The following ABCA4 variants were observed in gnomAD, a reference collection of about 807,000 sequenced individuals.
ABCA4 encodes the protein retinal-specific phospholipid-transporting ATPase ABCA4.
ABCA4 carries 196 observed loss-of-function variants against 263.7 expected under a neutral mutation model. The ratio of observed to expected loss-of-function variants is 0.74; its 90% confidence interval spans 0.66 to 0.84. The LOEUF is 0.84. ABCA4 is among the 40% of genes least tolerant of loss of function. The probability of loss-of-function intolerance (pLI) is 0.00; values close to 1 mark genes in which losing one functional copy is unlikely to be tolerated. For missense variants in ABCA4, 2,792 were observed against 2,855.1 expected, an observed-to-expected ratio of 0.98 and a Z score of 0.50; for synonymous variants, 1,133 against 1,094.2, an observed-to-expected ratio of 1.04 and a Z score of -0.70.
rs1232880489 is a variant in ABCA4, at chr1:94,015,817, A to T, written c.5234T>A (p.Ile1745Asn). ...YSVSAGLVVG[I>N]FIGFQKKAYT... The stretch of plus-strand genomic sequence containing the variant: ...GGCTTTCTTCTGAAACCCGATGAAG[A>T]TGCCCACCACCAGCCCAGCACTCAC... The change falls in exon 37 of 50, where the codon ATC becomes AAC. Residue 1745 changes from isoleucine to asparagine, a missense_variant. Transcript: ENST00000370225. The T allele has an allele frequency of 2.5e-6, 4 of 1,614,080 alleles. No homozygotes were observed. Among genetic ancestry groups the T allele is most frequent in the Non-Finnish European group, 3.4e-6 (4 of 1,180,012 alleles).
intron 18 of ABCA4, among the ~76,000 whole-genome samples, chr1:94,047,394 A>G (rs1294264515): frequency 6.6e-6 from 1 of 152,214 alleles, no homozygotes; most frequent in Non-Finnish European, 1.5e-5. Flanking sequence ...AGGAAACCTT[A>G]GACACAGAGA....
chr1:94,058,586 T>G (rs373806825), intron 14 of ABCA4, among the ~76,000 whole-genome samples: 6 of 152,238 alleles, frequency 3.9e-5, no homozygotes, highest in African/African-American at 1.4e-4. Flanking sequence ...GCTCTGGAAC[T>G]CCTGACCTGA....
chr1:94,043,846 G>C (rs1433925156), intron 20 of ABCA4, among the ~76,000 whole-genome samples: 3 of 151,996 alleles, frequency 2.0e-5, no homozygotes, highest in Non-Finnish European at 2.9e-5. Flanking sequence ...TGAAGTATAT[G>C]TGTTTATCTA....
intron 26 of ABCA4, among the ~76,000 whole-genome samples, chr1:94,034,597 C>T (rs1660294571): frequency 6.6e-6 from 1 of 151,424 alleles, no homozygotes; most frequent in Non-Finnish European, 1.5e-5. Context: ...TAACTCAAAA[C>T]AAATGTACTT....
intron 28 of ABCA4, 38 bp from the exon 29 acceptor site, chr1:94,030,564 C>A: frequency 1.3e-6 from 2 of 1,581,072 alleles, no homozygotes; most frequent in South Asian, 1.1e-5. Context: ...ACAGAGCAGG[C>A]GCGTGCCAAC....
rs769988087 is a variant in ABCA4, at chr1:94,063,144, G to A, written c.1728C>T (p.Asp576=). ...HVKYKIRMDI[D]VVEKTNKIKD... The stretch of plus-strand genomic sequence containing the variant: ...TAATCTTATTGGTTTTCTCCACCAC[G>A]TCTATGTCCATTCGGATCTTATACT... The change falls in exon 12 of 50, where the codon GAC becomes GAT. Residue 576 remains aspartate, a synonymous_variant. Transcript: ENST00000370225. 6 of 1,613,942 alleles carry A rather than the reference G, an allele frequency of 3.7e-6. No individual in the cohort carries two copies. The highest frequency in any genetic ancestry group is 4.5e-5 in the East Asian group (2 of 44,900).
intron 1 of ABCA4, among the ~76,000 whole-genome samples, chr1:94,118,167 G>C (rs1481102996): frequency 6.6e-6 from 1 of 152,110 alleles, no homozygotes; most frequent in Non-Finnish European, 1.5e-5. Flanking sequence ...TCAGTACCGG[G>C]GGGATCACAG....
At chr1:94,013,986 C>T (rs1659648216) in intron 38 of ABCA4, among the ~76,000 whole-genome samples, 1 of 152,030 alleles carries the variant, frequency 6.6e-6, no homozygotes, top group African/African-American at 2.4e-5. Flanking sequence ...CTTTTTGTTC[C>T]TTTTAGATTT....
intron 17 of ABCA4, among the ~76,000 whole-genome samples, chr1:94,050,770 C>A (rs1393098597): frequency 2.7e-5 from 4 of 148,254 alleles, no homozygotes; most frequent in African/African-American, 1.0e-4. Flanking sequence ...AAAACAAAAG[C>A]AAAAAACAAA....
chr1:94,043,890 T>C (rs1660591954), intron 20 of ABCA4, among the ~76,000 whole-genome samples: 1 of 152,206 alleles, frequency 6.6e-6, no homozygotes, highest in Non-Finnish European at 1.5e-5. Flanking sequence ...TCTAAAAAAT[T>C]ATATACCAAT....
intron 36 of ABCA4, among the ~76,000 whole-genome samples, chr1:94,019,106 T>C (rs1404939468): frequency 6.8e-6 from 1 of 147,222 alleles, no homozygotes; most frequent in Non-Finnish European, 1.5e-5. Flanking sequence ...AAATTATTCA[T>C]CATCTGAAAT....
At chr1:94,030,899 G>T in intron 28 of ABCA4, 97 bp downstream of exon 28, 2 of 1,534,972 alleles carry the variant, frequency 1.3e-6, no homozygotes, top group Middle Eastern at 2.2e-4. Flanking sequence ...ATTGGTGAAG[G>T]TCCCAGTGAA....
intron 49 of ABCA4, 22 bp downstream of exon 49, chr1:93,996,087 A>T: frequency 1.2e-6 from 2 of 1,609,752 alleles, no homozygotes; most frequent in Non-Finnish European, 1.7e-6. Flanking sequence ...CAAGCTGTGG[A>T]CTGCATAAGC....
chr1:94,014,408 G>A lies in ABCA4; in HGVS notation c.5460+135C>T, dbSNP rs1659664110. The A allele has an allele frequency of 2.1e-5, 20 of 975,490 alleles. No individual in the cohort carries two copies. The Admixed American group carries it at 3.4e-4, about 17-fold the overall frequency. The allele number at this position is 975,490 out of a possible 1,614,324, so 60.4% of individuals were successfully genotyped here. On this transcript the variant is annotated intron_variant, in intron 38 of 49. Coordinates refer to ENST00000370225, the MANE Select transcript of ABCA4 (RefSeq NM_000350.3). Reference sequence around the variant, plus strand: ...AAGGAAGGAAAGGAGGCAGGGTCGGGGGTAGGGAGGAAGAAAGTGGCACTC... The same window carrying A: ...AAGGAAGGAAAGGAGGCAGGGTCGGAGGTAGGGAGGAAGAAAGTGGCACTC...
At chr1:94,015,894 A>G (rs781019181) in intron 36 of ABCA4, 40 bp from the exon 37 acceptor site, 1 of 1,547,212 alleles carries the variant, frequency 6.5e-7, no homozygotes, top group Non-Finnish European at 8.8e-7. Context: ...TTAACCTCTC[A>G]GACCTGCTGC....
intron 34 of ABCA4, 92 bp downstream of exon 34, chr1:94,021,548 G>A: frequency 6.7e-7 from 1 of 1,498,364 alleles, no homozygotes; most frequent in Non-Finnish European, 9.2e-7. Context: ...CAGGAGGAGG[G>A]ATGGAATTTA....
At chr1:94,102,041 G>A (rs1432307768) in intron 5 of ABCA4, among the ~76,000 whole-genome samples, 6 of 152,156 alleles carry the variant, frequency 3.9e-5, no homozygotes, top group African/African-American at 1.4e-4. Flanking sequence ...GATTCCATCT[G>A]GCTCTGACAA....
Position 94,063,274 on chromosome 1 carries a change from T to C in ABCA4, c.1598A>G (p.Gln533Arg), listed in dbSNP as rs1440695680. 2.5e-6 allele frequency: 4 copies of C among 1,614,034 alleles called. No homozygotes were observed. Among genetic ancestry groups the C allele is most frequent in the Non-Finnish European group, 3.4e-6 (4 of 1,180,034 alleles). The change falls in exon 12 of 50, where the codon CAG becomes CGG. Residue 533 changes from glutamine (Q) to arginine (R), a missense_variant. Transcript: ENST00000370225. ...DKFESYNDETQLTQRALSLLE... is the reference protein window; with the variant it reads ...DKFESYNDETRLTQRALSLLE... The stretch of plus-strand genomic sequence containing the variant: ...TAGAGAGAGGGCACGTTGGGTGAGC[T>C]GAGTTTCATCATTGTAGCTTTCAAA...
intron 36 of ABCA4, among the ~76,000 whole-genome samples, chr1:94,019,019 GTTTTTT>G (rs757258025): frequency 1.7e-4 from 13 of 76,434 alleles, no homozygotes; most frequent in African/African-American, 6.8e-4. Flanking sequence ...AAACAACCAG[GTTTTTT>G]TTTTTTTTTT....
Sources: gnomAD v4.1 joint callset for allele counts (sites outside exome capture counted in the v4.1 genomes callset) on GRCh38, gnomAD v4.1.1 for gene constraint, MANE v1.5 for transcripts, NCBI Gene and HGNC (gene_info 2026-07-23, HGNC 2026-07-21) for gene names.